GRK5: variants seen among roughly 807,000 people sequenced by gnomAD.
GRK5 encodes G protein-coupled receptor kinase 5.
Under a neutral mutation model 78.4 loss-of-function variants are expected in GRK5, and 40 were observed. The observed-to-expected ratio is 0.51, with a 90% confidence interval of 0.40 to 0.66. The LOEUF is 0.66. GRK5 is among the 30% of genes least tolerant of loss of function. GRK5 has a pLI of 0.00. For synonymous variants in GRK5, 289 were observed against 296.8 expected (o/e 0.97, Z 0.27); for missense variants, 598 against 759.9 (o/e 0.79, Z 2.50).
At chr10:119,343,126 G>A (rs1564898342) in intron 2 of GRK5, among the ~76,000 whole-genome samples, 1 of 152,214 alleles carries the variant, frequency 6.6e-6, no homozygotes, top group African/African-American at 2.4e-5. Flanking sequence ...GCCAACACGT[G>A]ACACTGGGTG....
At chr10:119,247,522 T>C (rs1849132465) in intron 1 of GRK5, among the ~76,000 whole-genome samples, 1 of 152,066 alleles carries the variant, frequency 6.6e-6, no homozygotes, top group Non-Finnish European at 1.5e-5. Context: ...CATCCTGGGG[T>C]TGGAGGTTAA....
At chr10:119,364,843 T>G (rs1851420131) in intron 2 of GRK5, among the ~76,000 whole-genome samples, 1 of 152,260 alleles carries the variant, frequency 6.6e-6, no homozygotes, top group South Asian at 2.1e-4. Context: ...ATCTGAATGT[T>G]GTTCTTGGCA....
At chr10:119,335,906 G>A (rs577307213) in intron 2 of GRK5, 1 of 152,262 alleles carries the variant, frequency 6.6e-6, no homozygotes, top group Non-Finnish European at 1.5e-5. Context: ...ATAAACTGGA[G>A]ACACTAACAC....
At position 119,430,753 on chromosome 10, in the gene GRK5, G is replaced by C. The variant is rs1406241462; in HGVS notation, c.597+315G>C. 6.6e-6 allele frequency among the ~76,000 whole-genome samples: 1 copy of C among 152,166 alleles called. No homozygotes were observed. Among genetic ancestry groups the C allele is most frequent in the Non-Finnish European group, 1.5e-5 (1 of 68,014 alleles). On this transcript the variant is annotated intron_variant, in intron 7 of 15. Transcript: ENST00000392870. This position sits in a 1 kb window ranked among gnomAD's most constrained non-coding sequence, Gnocchi z 4.5. ...GTGGGGAGGAGATGTGAGGGCGTGA[G>C]GAGGCTGGGCAACCTTGGCCACTCA...
chr10:119,357,061 G>T (rs1446917949), intron 2 of GRK5, among the ~76,000 whole-genome samples: 1 of 152,248 alleles, frequency 6.6e-6, no homozygotes, highest in African/African-American at 2.4e-5. Flanking sequence ...ACAAAGTGAG[G>T]TGTGAAGGTG....
intron 3 of GRK5, among the ~76,000 whole-genome samples, chr10:119,388,477 C>T (rs946657287): frequency 1.3e-5 from 2 of 152,198 alleles, no homozygotes; most frequent in Non-Finnish European, 2.9e-5. Flanking sequence ...GCTGGGATTA[C>T]AGGTGTGCGC....
chr10:119,225,067 A>G (rs894741029), intron 1 of GRK5, among the ~76,000 whole-genome samples: 1 of 152,238 alleles, frequency 6.6e-6, no homozygotes. Flanking sequence ...CCCCAAGGGA[A>G]GAATGAGAGC....
intron 4 of GRK5, 150 bp from the exon 5 acceptor site, chr10:119,423,016 G>T: frequency 1.5e-6 from 1 of 676,262 alleles, no homozygotes; most frequent in Non-Finnish European, 2.7e-6. Context: ...GCCTGGAGGG[G>T]GCAGCAGGTC....
At chr10:119,228,785 C>A (rs1848782357) in intron 1 of GRK5, among the ~76,000 whole-genome samples, 1 of 152,078 alleles carries the variant, frequency 6.6e-6, no homozygotes, top group Non-Finnish European at 1.5e-5. Flanking sequence ...GAGGGGGTGA[C>A]AATGCCTTGT....
At chr10:119,213,297 G>A (rs919308695) in intron 1 of GRK5, among the ~76,000 whole-genome samples, 1 of 152,232 alleles carries the variant, frequency 6.6e-6, no homozygotes, top group Non-Finnish European at 1.5e-5. Flanking sequence ...GATCACCTGA[G>A]GTCAGGAGAT....
chr10:119,344,899 T>TTCCTTCCTTCCTTCCC (rs1851056052), intron 2 of GRK5, among the ~76,000 whole-genome samples: 3 of 134,602 alleles, frequency 2.2e-5, no homozygotes, highest in Non-Finnish European at 3.2e-5. Context: ...CCTTCCTTCC[T>TTCCTTCCTTCCTTCCC]TCCTTCCTTC....
At chr10:119,282,884 G>A (rs1032372417) in intron 1 of GRK5, among the ~76,000 whole-genome samples, 5 of 152,226 alleles carry the variant, frequency 3.3e-5, no homozygotes, top group Admixed American at 6.5e-5. Flanking sequence ...AGGTGAGGCC[G>A]GAGGAGTGAC....
intron 4 of GRK5, among the ~76,000 whole-genome samples, chr10:119,411,435 T>C (rs1031565494): frequency 1.3e-5 from 2 of 152,200 alleles, no homozygotes; most frequent in African/African-American, 2.4e-5. Context: ...AATGGCAGAC[T>C]GGATGCCATC....
At chr10:119,279,935 G>A (rs1323028541) in intron 1 of GRK5, among the ~76,000 whole-genome samples, 1 of 152,166 alleles carries the variant, frequency 6.6e-6, no homozygotes, top group African/African-American at 2.4e-5. Context: ...GGCGCATGAT[G>A]CCTACAACCT....
chr10:119,357,716 G>A (rs1851286071), intron 2 of GRK5, among the ~76,000 whole-genome samples: 1 of 152,194 alleles, frequency 6.6e-6, no homozygotes, highest in Non-Finnish European at 1.5e-5. Context: ...CAAGAGGGCT[G>A]TCCCCAGGTT....
chr10:119,346,922 C>T (rs574823576), intron 2 of GRK5, among the ~76,000 whole-genome samples: 2 of 152,356 alleles, frequency 1.3e-5, no homozygotes, highest in Admixed American at 6.5e-5. Flanking sequence ...TAGAATCTTT[C>T]TCCTAGGAAC....
intron 4 of GRK5, 97 bp from the exon 5 acceptor site, chr10:119,423,069 G>A (rs1216837429): frequency 2.6e-6 from 2 of 776,232 alleles, no homozygotes; most frequent in Non-Finnish European, 4.6e-6. Context: ...ACCAGCACCT[G>A]GAGCGTGGCT....
In GRK5 at chr10:119,335,129, C is replaced by CCTCTCTCTCTCTCTCTCTCTCTCT. The variant is rs71016564; in HGVS notation, c.148+8542_148+8565dup. 3 of 9,870 alleles carry CCTCTCTCTCTCTCTCTCTCTCTCT rather than the reference C, an allele frequency of 3.0e-4. 1 individual carries two copies. The highest frequency in any genetic ancestry group is 3.2e-3 in the Admixed American group (2 of 616). The allele number at this position is 9,870 out of a possible 1,614,324, so 0.6% of individuals were successfully genotyped here. ...TGCCTGCTTTGCCCTGCCTGCCTTG[C>CCTCTCTCTCTCTCTCTCTCTCTCT]CTCTCTCTCTCTCTCTCTCTCTCTC... On this transcript the variant is annotated intron_variant, in intron 2 of 15. Transcript: ENST00000392870.
intron 1 of GRK5, among the ~76,000 whole-genome samples, chr10:119,282,657 G>C (rs1015758420): frequency 6.6e-6 from 1 of 152,224 alleles, no homozygotes; most frequent in African/African-American, 2.4e-5. Flanking sequence ...CTGAAGGGTT[G>C]GCCCCGGTGG....
Sources: gnomAD v4.1 joint callset for allele counts (sites outside exome capture counted in the v4.1 genomes callset) on GRCh38, gnomAD v4.1.1 for gene constraint, Gnocchi (gnomAD v3.1) non-coding constraint, MANE v1.5 for transcripts, NCBI Gene and HGNC (gene_info 2026-07-23, HGNC 2026-07-21) for gene names.